Variants in ANK2 observed in about 807,000 individuals in gnomAD.
The protein encoded by ANK2 is ankyrin 2.
Under a neutral mutation model 360.5 loss-of-function variants are expected in ANK2, and 83 were observed. The ratio of observed to expected loss-of-function variants is 0.23; its 90% CI spans 0.19 to 0.28. The LOEUF (loss-of-function observed/expected upper bound fraction) is 0.28, where lower values mean the gene tolerates loss of function less well. ANK2 is among the 10% of genes least tolerant of loss of function. The pLI is 1.00. For missense variants in ANK2, 4,201 were observed against 4,795.7 expected, an observed-to-expected ratio of 0.88 and a Z score of 3.66; for synonymous variants, 1,740 against 1,759.5, an observed-to-expected ratio of 0.99 and a Z score of 0.28.
chr4:113,220,836 G>A (rs187795687), intron 4 of ANK2, among the ~76,000 whole-genome samples: 3 of 152,300 alleles, frequency 2.0e-5, no homozygotes, highest in East Asian at 3.9e-4. Context: ...AGGAAAATAA[G>A]GCTAAAAGTA....
intron 1 of ANK2, among the ~76,000 whole-genome samples, chr4:112,868,263 G>A (rs935709064): frequency 3.3e-5 from 5 of 152,296 alleles, no homozygotes; most frequent in African/African-American, 1.2e-4. Context: ...CACACACTGG[G>A]TATTTATAAT....
chr4:112,809,648 G>T, the ANK2 span, among the ~76,000 whole-genome samples: 1 of 150,670 alleles, frequency 6.6e-6, no homozygotes, highest in African/African-American at 2.5e-5. Flanking sequence ...TTAGGAGGCC[G>T]CGGCGGACAG....
intron 2 of ANK2, among the ~76,000 whole-genome samples, chr4:112,947,258 T>C (rs566558714): frequency 6.6e-5 from 10 of 152,338 alleles, no homozygotes; most frequent in African/African-American, 2.4e-4. Context: ...CATTAAGAGA[T>C]GACTTATGAC....
intron 2 of ANK2, among the ~76,000 whole-genome samples, chr4:112,986,264 TCTGTACATATAAGTG>T (rs1345467313): frequency 6.6e-6 from 1 of 152,028 alleles, no homozygotes; most frequent in Non-Finnish European, 1.5e-5. Flanking sequence ...GTATGTCATT[TCTGTACATATAAGTG>T]CTTTTTAACA....
intron 1 of ANK2, among the ~76,000 whole-genome samples, chr4:113,103,714 C>A (rs2093258572): frequency 1.3e-5 from 2 of 152,114 alleles, no homozygotes; most frequent in Admixed American, 6.5e-5. Flanking sequence ...TTTAGGAGTA[C>A]AAGCTTCCAT....
At chr4:113,167,888 G>A (rs2097803510) in intron 1 of ANK2, among the ~76,000 whole-genome samples, 1 of 152,106 alleles carries the variant, frequency 6.6e-6, no homozygotes, top group Non-Finnish European at 1.5e-5. Context: ...GTTTTGCTTA[G>A]CATTATCTTT....
chr4:112,812,471 A>T, the ANK2 span, among the ~76,000 whole-genome samples: 1 of 152,200 alleles, frequency 6.6e-6, no homozygotes, highest in Non-Finnish European at 1.5e-5. Context: ...GACCATAAGG[A>T]AAAGCAACAT....
intron 1 of ANK2, among the ~76,000 whole-genome samples, chr4:112,878,351 A>C (rs964657691): frequency 1.3e-5 from 2 of 151,716 alleles, no homozygotes; most frequent in African/African-American, 4.8e-5. Context: ...TTTGAGATGG[A>C]GTTTTGCTCT....
At chr4:113,132,940 T>C (rs935438639) in intron 1 of ANK2, among the ~76,000 whole-genome samples, 2 of 152,186 alleles carry the variant, frequency 1.3e-5, no homozygotes, top group African/African-American at 2.4e-5. Context: ...TTCGGAGCTG[T>C]ACTATTATTA....
At chr4:113,278,387 C>G (rs1402220403) in intron 16 of ANK2, 73 bp from the exon 17 acceptor site, 1 of 1,265,494 alleles carries the variant, frequency 7.9e-7, no homozygotes, top group Non-Finnish European at 1.2e-6. Context: ...ATATCAGTTT[C>G]CAGGCATCCT....
At chr4:112,861,374 A>G (rs17045076) in intron 1 of ANK2, among the ~76,000 whole-genome samples, 8,454 of 152,306 alleles carry the variant, frequency 0.056, 391 homozygotes, top group African/African-American at 0.12. Context: ...TCCTGAAGCC[A>G]TGTGTATCGG....
chr4:113,152,614 C>A (rs1456513801), intron 1 of ANK2, among the ~76,000 whole-genome samples: 2 of 151,968 alleles, frequency 1.3e-5, no homozygotes, highest in Non-Finnish European at 2.9e-5. Context: ...CTTTTTTGTG[C>A]CTTTCTTTAA....
the ANK2 span, among the ~76,000 whole-genome samples, chr4:112,722,637 A>G: frequency 6.6e-6 from 1 of 152,176 alleles, no homozygotes; most frequent in South Asian, 2.1e-4. Context: ...TCTTCATGTA[A>G]TGGTGTCCAA....
rs2095876925 is a variant in ANK2, at chr4:113,357,625, T to C, written c.9007T>C (p.Leu3003=). The stretch of plus-strand genomic sequence containing the variant: ...AATGGAATCCCAACAGGAAAGTACC[T>C]TGTGGGAAATGCAATCAGACAGTGT... ...IKMESQQEST[L]WEMQSDSVSS... is the part of the protein sequence containing the mutation. The change falls in exon 38 of 46, where the codon TTG becomes CTG. Residue 3003 remains leucine (L), a synonymous_variant. Transcript: ENST00000357077. 6.2e-7 allele frequency: 1 copy of C among 1,614,044 alleles called. No individual in the cohort carries two copies.
At chr4:113,046,285 A>G (rs2064357660), upstream of ANK2, among the ~76,000 whole-genome samples, 1 of 152,178 alleles carries the variant, frequency 6.6e-6, no homozygotes, top group African/African-American at 2.4e-5. Context: ...TTAGATGTTT[A>G]CATCTATGTT....
chr4:113,083,459 G>T (rs1462576688), intron 1 of ANK2, among the ~76,000 whole-genome samples: 3 of 152,204 alleles, frequency 2.0e-5, no homozygotes, highest in South Asian at 2.1e-4. Flanking sequence ...ACAGGCTTCA[G>T]CCACTGCACC....
rs2095719359 is a variant in ANK2 at position 113,355,773 on chromosome 4, T to C, written c.7155T>C (p.Pro2385=). 9 of 1,614,094 alleles carry C rather than the reference T, an allele frequency of 5.6e-6. No individual in the cohort carries two copies. Among genetic ancestry groups the C allele is most frequent in the African/African-American group, 4.0e-5 (3 of 75,052 alleles). ...ACGAGACAAAGGCCTTGCCGCTGCC[T>C]GAGGCTTCTGTAAAGACAGATACAG... ...TSDETKALPL[P]EASVKTDTGT... The change falls in exon 38 of 46, where the codon CCT becomes CCC. Residue 2385 remains proline (P), a synonymous_variant. Transcript: ENST00000357077.
In ANK2 at chr4:113,358,752, C is replaced by T. The variant is rs549375755; in HGVS notation, c.10134C>T (p.Asp3378=). Residue 3378 remains aspartate (D), a synonymous_variant, in exon 38 of 46, where the codon GAC becomes GAT. Transcript: ENST00000357077. ...AGACAGTGGCTCCTCAGGGACAGGACATGGCAAGCATCGCACCAGATAATA... is the reference window on the plus strand; with the variant it reads ...AGACAGTGGCTCCTCAGGGACAGGATATGGCAAGCATCGCACCAGATAATA... ...VQKTVAPQGQ[D]MASIAPDNRS... The T allele has an allele frequency of 4.5e-5, 73 of 1,614,090 alleles. 3 individuals are homozygous for T. The South Asian group carries it at 7.5e-4, about 17-fold the overall frequency.
intron 1 of ANK2, among the ~76,000 whole-genome samples, chr4:112,833,506 G>GT (rs1372435883): frequency 1.3e-4 from 12 of 94,218 alleles, no homozygotes; most frequent in East Asian, 4.7e-4. Context: ...AATGATTTAT[G>GT]TATTTTTTTT....
Sources: allele counts gnomAD v4.1 joint callset (sites outside exome capture counted in the v4.1 genomes callset), GRCh38; gene constraint gnomAD v4.1.1; transcripts MANE v1.5; gene names NCBI Gene and HGNC (gene_info 2026-07-23, HGNC 2026-07-21).